The following RFTN2 variants were observed in gnomAD, a reference collection of about 807,000 sequenced individuals.
RFTN2 encodes raftlin-2.
Under a neutral mutation model 52.7 loss-of-function variants are expected in RFTN2, and 34 were observed. That is an observed-to-expected ratio of 0.64 (90% CI 0.49 to 0.86). The LOEUF is 0.86. Among genes scored for constraint, RFTN2 ranks in the 40% least tolerant of loss-of-function variants. The probability of loss-of-function intolerance (pLI) is 0.00; values close to 1 mark genes in which losing one functional copy is unlikely to be tolerated. For missense variants in RFTN2, 536 were observed against 600.1 expected (o/e 0.89, Z 1.12); for synonymous variants, 203 against 217.7 (o/e 0.93, Z 0.59).
At chr2:197,596,157 G>A in intron 7 of RFTN2, 88 bp from the exon 8 acceptor site, 1 of 641,112 alleles carries the variant, frequency 1.6e-6, no homozygotes, top group Non-Finnish European at 2.6e-6. Context: ...ATGTAGTTTT[G>A]TAAAATAATC....
intron 2 of RFTN2, among the ~76,000 whole-genome samples, chr2:197,644,677 T>C (rs1324383697): frequency 2.0e-5 from 3 of 152,238 alleles, no homozygotes; most frequent in African/African-American, 7.2e-5. Flanking sequence ...ATTCTTCGGC[T>C]TGCCAGGGTA....
At chr2:197,663,814 C>CT (rs1247149306) in intron 1 of RFTN2, among the ~76,000 whole-genome samples, 3 of 151,854 alleles carry the variant, frequency 2.0e-5, no homozygotes, top group African/African-American at 7.3e-5. Flanking sequence ...TAGTTCTACT[C>CT]TTTATTATTT....
In RFTN2 at chr2:197,571,590, AAAAG is replaced by A. The variant is rs562525281; in HGVS notation, c.*414_*417del. Reference sequence around the variant, plus strand: ...TGTGTGTATGAGAGAGAGAGAAAAAAAAAGAGAGAGAGAGGTTATTTTTCAGCTT... The same window carrying A: ...TGTGTGTATGAGAGAGAGAGAAAAAAAGAGAGAGAGGTTATTTTTCAGCTT... On this transcript the variant is annotated 3_prime_UTR_variant, in exon 9 of 9. Transcript: ENST00000295049. The A allele has an allele frequency of 1.3e-4, 23 of 171,336 alleles. No homozygotes were observed. In the South Asian group the frequency reaches 2.2e-3, roughly 16 times the overall value. The allele number at this position is 171,336 out of a possible 1,614,324, so 10.6% of individuals were successfully genotyped here.
intron 5 of RFTN2, among the ~76,000 whole-genome samples, chr2:197,625,464 A>T (rs959766879): frequency 6.6e-6 from 1 of 152,118 alleles, no homozygotes; most frequent in Non-Finnish European, 1.5e-5. Flanking sequence ...AACTGCCCAG[A>T]GGTGGGCCCG....
At chr2:197,633,610 A>T in intron 4 of RFTN2, 108 bp downstream of exon 4, 1 of 862,312 alleles carries the variant, frequency 1.2e-6, no homozygotes, top group South Asian at 1.8e-5. Flanking sequence ...TCATTTAGTC[A>T]TTATAATCTT....
intron 8 of RFTN2, among the ~76,000 whole-genome samples, chr2:197,576,296 A>G (rs2087418540): frequency 6.6e-6 from 1 of 152,096 alleles, no homozygotes; most frequent in Admixed American, 6.6e-5. Flanking sequence ...GTGAGGCAGT[A>G]CCACTGTGAG....
At chr2:197,601,443 A>C (rs943420086) in intron 7 of RFTN2, among the ~76,000 whole-genome samples, 7 of 152,126 alleles carry the variant, frequency 4.6e-5, no homozygotes, top group Admixed American at 1.3e-4. Context: ...ATAATCCTTT[A>C]AGGTGTGCAG....
chr2:197,584,392 T>G (rs2087563512), intron 8 of RFTN2, among the ~76,000 whole-genome samples: 1 of 152,236 alleles, frequency 6.6e-6, no homozygotes, highest in Non-Finnish European at 1.5e-5. Context: ...TCATGTGTCT[T>G]TTGGCTGCAT....
chr2:197,614,552 T>C (rs1056751800), intron 7 of RFTN2, among the ~76,000 whole-genome samples: 2 of 152,172 alleles, frequency 1.3e-5, no homozygotes, highest in African/African-American at 4.8e-5. Flanking sequence ...ATGGCAAAAC[T>C]AAAAGATCAC....
chr2:197,661,449 T>C (rs1002339002), intron 1 of RFTN2, among the ~76,000 whole-genome samples: 6 of 152,110 alleles, frequency 3.9e-5, no homozygotes, highest in Non-Finnish European at 8.8e-5. Context: ...GGTCTCACAA[T>C]GGTGCCCAGG....
intron 3 of RFTN2, among the ~76,000 whole-genome samples, chr2:197,636,122 T>G (rs963895038): frequency 2.0e-5 from 3 of 151,996 alleles, no homozygotes; most frequent in Admixed American, 6.6e-5. Context: ...ACCAGTACCA[T>G]GCTGTTTTGG....
At chr2:197,589,965 G>GGC (rs1317624855) in intron 8 of RFTN2, among the ~76,000 whole-genome samples, 1 of 151,976 alleles carries the variant, frequency 6.6e-6, no homozygotes, top group Non-Finnish European at 1.5e-5. Context: ...GGAGTACAGT[G>GGC]GCGCGATCAT....
rs1336798881 is a variant in RFTN2 at position 197,634,977 on chromosome 2, A to T, written c.439-980T>A. Among the ~76,000 whole-genome samples the T allele has an allele frequency of 4.1e-4, 47 of 114,700 alleles. No homozygotes were observed. The East Asian group carries it at 9.5e-3, about 23-fold the overall frequency. 75.2% of individuals were successfully genotyped at this position (114,700 alleles called of 152,430 possible). A position where few individuals can be genotyped will look rare whatever the true frequency, so the allele number is the denominator to read the frequency against. Reference sequence around the variant, plus strand: ...GTTCAATTCCCACCTATGAGTGAGAATATGCGGTGTTTCGTTTTTTGTTCT... The same window carrying T: ...GTTCAATTCCCACCTATGAGTGAGATTATGCGGTGTTTCGTTTTTTGTTCT... On this transcript the variant is annotated intron_variant, in intron 3 of 8. Transcript: ENST00000295049.
chr2:197,626,595 A>AT (rs2088364258), intron 5 of RFTN2, among the ~76,000 whole-genome samples: 5 of 149,514 alleles, frequency 3.3e-5, no homozygotes, highest in East Asian at 2.0e-4. Context: ...ATAAAGTTAA[A>AT]ATAAAAAAAA....
chr2:197,610,326 C>G (rs2088035495), intron 7 of RFTN2, among the ~76,000 whole-genome samples: 1 of 151,632 alleles, frequency 6.6e-6, no homozygotes, highest in Non-Finnish European at 1.5e-5. Context: ...TGAAGAGGTC[C>G]TTCACATCCC....
At chr2:197,670,074 T>C (rs1459925658) in intron 1 of RFTN2, among the ~76,000 whole-genome samples, 1 of 152,232 alleles carries the variant, frequency 6.6e-6, no homozygotes, top group Non-Finnish European at 1.5e-5. Flanking sequence ...TGTGTAATTG[T>C]AGTTCCTCTG....
chr2:197,653,561 A>C (rs561567846), intron 1 of RFTN2, among the ~76,000 whole-genome samples: 2 of 152,252 alleles, frequency 1.3e-5, no homozygotes, highest in African/African-American at 4.8e-5. Flanking sequence ...AAAAAAAAAA[A>C]AGGCTAAAAC....
intron 6 of RFTN2, among the ~76,000 whole-genome samples, chr2:197,617,285 T>C (rs1213096969): frequency 6.6e-6 from 1 of 152,246 alleles, no homozygotes; most frequent in Non-Finnish European, 1.5e-5. Context: ...AACTTACTGC[T>C]GCTTATGCAT....
chr2:197,627,641 C>A (rs2088387492), intron 5 of RFTN2, among the ~76,000 whole-genome samples: 1 of 152,098 alleles, frequency 6.6e-6, no homozygotes, highest in Non-Finnish European at 1.5e-5. Flanking sequence ...CAAAATGTAG[C>A]CTTAAGATGT....
Sources: gnomAD v4.1 joint callset for allele counts (sites outside exome capture counted in the v4.1 genomes callset) on GRCh38, gnomAD v4.1.1 for gene constraint, MANE v1.5 for transcripts, NCBI Gene and HGNC (gene_info 2026-07-23, HGNC 2026-07-21) for gene names.